Variants in NDUFAB1 observed in about 807,000 individuals in gnomAD.
NDUFAB1 encodes acyl carrier protein, mitochondrial.
A neutral mutation model predicts 16.1 loss-of-function variants in NDUFAB1; 5 were observed. The ratio of observed to expected loss-of-function variants is 0.31; its 90% CI spans 0.16 to 0.65. The LOEUF (loss-of-function observed/expected upper bound fraction) is 0.65. Ranked by LOEUF, NDUFAB1 falls within the 30% of genes least tolerant of loss-of-function variation. NDUFAB1 has a pLI of 0.77. For missense variants in NDUFAB1, 187 were observed against 205.3 expected (o/e 0.91, Z 0.54); for synonymous variants, 85 against 78.4 (o/e 1.08, Z -0.44).
In NDUFAB1 at chr16:23,596,185, G is replaced by A. The variant is rs769448409; in HGVS notation, c.106C>T (p.Leu36Phe). 4 of 1,611,162 alleles carry A rather than the reference G, an allele frequency of 2.5e-6. No individual in the cohort carries two copies. The highest frequency in any genetic ancestry group is 3.4e-6 in the Non-Finnish European group (4 of 1,179,046). Reference protein sequence around the residue: ...LAVARPLSTALCSAGTQTRLG... With the variant: ...LAVARPLSTAFCSAGTQTRLG... ...CTCGTCTGGGTCCCCGCGGAGCAGA[G>A]AGCGGTGCTGAGAGGCCGGGCCACG... The change falls in exon 1 of 5, where the codon CTC (leucine) becomes TTC (phenylalanine). Residue 36 changes from leucine (L) to phenylalanine (F), a missense_variant. This residue lies in a region of NDUFAB1 where 135 missense variants were observed against 129.4 expected (regional missense o/e 1.04). Coordinates refer to ENST00000007516, the MANE Select transcript of NDUFAB1 (RefSeq NM_005003.3).
intron 1 of NDUFAB1, among the ~76,000 whole-genome samples, chr16:23,590,671 G>A (rs1966272820): frequency 7.3e-6 from 1 of 137,070 alleles, no homozygotes; most frequent in Non-Finnish European, 1.5e-5. Context: ...GAGTCTCACT[G>A]TGTTGCCCAG....
Position 23,582,314 on chromosome 16 carries a change from G to A in NDUFAB1, c.441C>T (p.Tyr147=), listed in dbSNP as rs763820586. 3.8e-6 allele frequency: 6 copies of A among 1,574,448 alleles called. No homozygotes were observed. The highest frequency in any genetic ancestry group is 5.2e-6 in the Non-Finnish European group (6 of 1,162,032). ...CATATACATCCTTCTTATCTGCAAT[G>A]TAATCTACAATTTCTTGTGGACACA... ...KLMCPQEIVD[Y]IADKKDVYE is the part of the protein sequence containing the mutation. Residue 147 remains tyrosine, a synonymous_variant, in exon 4 of 5, where the codon TAC becomes TAT. Coordinates refer to ENST00000007516, the MANE Select transcript of NDUFAB1 (RefSeq NM_005003.3).
chr16:23,585,336 C>G lies in NDUFAB1; in HGVS notation c.379G>C (p.Gly127Arg), dbSNP rs1234257553. The change falls in exon 3 of 5, where the codon GGG becomes CGG. Residue 127 changes from glycine (G) to arginine (R), a missense_variant and splice_region_variant. Gly to Arg is a moderately radical substitution (Grantham distance 125). Transcript: ENST00000007516. ...GTGTAGATAGAAGACTGAGCCTTAC[C>G]AAATTCGTCTTCCATGGCCATGATA... is the stretch of plus-strand genomic sequence containing the variant. The part of the protein sequence containing the change: ...EIIMAMEDEF[G>R]FEIPDIDAEK... 1 of 1,608,460 alleles carries G rather than the reference C, an allele frequency of 6.2e-7. No homozygotes were observed. Among genetic ancestry groups the G allele is most frequent in the Non-Finnish European group, 8.5e-7 (1 of 1,175,022 alleles).
At chr16:23,586,556 AT>A (rs1450531268) in intron 2 of NDUFAB1, among the ~76,000 whole-genome samples, 1 of 151,470 alleles carries the variant, frequency 6.6e-6, no homozygotes, top group Non-Finnish European at 1.5e-5. Flanking sequence ...GCTGCTCTTC[AT>A]TTCCTGACCT....
intron 1 of NDUFAB1, among the ~76,000 whole-genome samples, chr16:23,587,875 G>A (rs1966246823): frequency 6.6e-6 from 1 of 152,248 alleles, no homozygotes. Flanking sequence ...GGGGATGAGG[G>A]AGCTTACAGT....
chr16:23,595,472 G>T, intron 1 of NDUFAB1: 1 of 423,858 alleles, frequency 2.4e-6, no homozygotes. Context: ...GGAAGAGCCT[G>T]CCCTCCTTAT....
At chr16:23,595,929 T>A (rs1244176723) in intron 1 of NDUFAB1, among the ~76,000 whole-genome samples, 194 bp downstream of exon 1, 1 of 152,220 alleles carries the variant, frequency 6.6e-6, no homozygotes, top group Admixed American at 6.5e-5. Context: ...GTGCTCTTGC[T>A]CGTTATTACG....
intron 4 of NDUFAB1, chr16:23,581,990 G>A (rs959711022): frequency 5.2e-6 from 1 of 193,846 alleles, no homozygotes; most frequent in Non-Finnish European, 1.0e-5. Context: ...GGAGACAGAG[G>A]TCTGTTTCCA....
At chr16:23,588,966 CTCTG>C in intron 1 of NDUFAB1, among the ~76,000 whole-genome samples, 1 of 151,966 alleles carries the variant, frequency 6.6e-6, no homozygotes, top group Middle Eastern at 3.4e-3. Flanking sequence ...CAGAGCGAGA[CTCTG>C]TCTCAAAAAA....
At chr16:23,584,062 T>A (rs576360383) in intron 3 of NDUFAB1, among the ~76,000 whole-genome samples, 3 of 151,474 alleles carry the variant, frequency 2.0e-5, no homozygotes, top group African/African-American at 7.3e-5. Context: ...GAAGGCAGCA[T>A]GCTTGTTAAG....
Position 23,596,155 on chromosome 16 carries a change from C to T in NDUFAB1, c.136G>A (p.Gly46Arg). ...LCSAGTQTRL[G>R]TLQPALVLAQ... is the part of the protein sequence containing the mutation. ...AGCACTAAGGCCGGCTGCAAAGTCC[C>T]GAGCCTCGTCTGGGTCCCCGCGGAG... Residue 46 changes from glycine to arginine, a missense_variant, in exon 1 of 5, where the codon GGG (glycine) becomes AGG (arginine). Gly to Arg is a moderately radical substitution (Grantham distance 125). Around this residue, in one of 3 missense-constraint regions of NDUFAB1, gnomAD observed 135 missense variants for 129.4 expected, o/e 1.04. Transcript: ENST00000007516. The T allele has an allele frequency of 6.2e-7, 1 of 1,610,406 alleles. No individual in the cohort carries two copies. Among genetic ancestry groups the T allele is most frequent in the Non-Finnish European group, 8.5e-7 (1 of 1,178,682 alleles).
chr16:23,589,122 A>T (rs1485170177), intron 1 of NDUFAB1, among the ~76,000 whole-genome samples: 1 of 150,278 alleles, frequency 6.7e-6, no homozygotes, highest in Non-Finnish European at 1.5e-5. Context: ...ACATGGAGAA[A>T]CCCCGTCTCT....
chr16:23,595,271 AAAC>A lies in NDUFAB1; in HGVS notation c.168+849_168+851del, dbSNP rs377092410. 2.3e-4 allele frequency among the ~76,000 whole-genome samples: 35 copies of A among 152,228 alleles called. No individual in the cohort carries two copies. In the South Asian group the frequency reaches 2.7e-3, roughly 12 times the overall value. On this transcript the variant is annotated intron_variant, in intron 1 of 4. Coordinates refer to ENST00000007516, the MANE Select transcript of NDUFAB1 (RefSeq NM_005003.3). ...GTGACAGAGCGAGACTCTGTCTCAA[AAAC>A]AACAACAACAACACCGAAATCACTG...
chr16:23,592,147 G>A (rs1597056308), intron 1 of NDUFAB1, among the ~76,000 whole-genome samples: 1 of 152,146 alleles, frequency 6.6e-6, no homozygotes, highest in Non-Finnish European at 1.5e-5. Context: ...GAAAAGAGCT[G>A]AGACTGATAA....
chr16:23,589,673 G>A (rs1188549183), intron 1 of NDUFAB1, among the ~76,000 whole-genome samples: 2 of 152,070 alleles, frequency 1.3e-5, no homozygotes, highest in African/African-American at 2.4e-5. Context: ...GGTGGCTCAC[G>A]CCTGTAATCC....
chr16:23,592,212 C>T (rs1190594636), intron 1 of NDUFAB1, among the ~76,000 whole-genome samples: 2 of 152,030 alleles, frequency 1.3e-5, no homozygotes, highest in African/African-American at 4.8e-5. Context: ...GGCGTGGTAG[C>T]GCAGGCCAGT....
intron 3 of NDUFAB1, 99 bp downstream of exon 3, chr16:23,585,237 A>G: frequency 1.2e-6 from 1 of 852,372 alleles, no homozygotes; most frequent in East Asian, 2.6e-5. Context: ...GTTTCTATTA[A>G]TATTTAATTC....
chr16:23,585,669 A>G (rs993654672), intron 2 of NDUFAB1, among the ~76,000 whole-genome samples: 2 of 151,916 alleles, frequency 1.3e-5, no homozygotes, highest in Non-Finnish European at 2.9e-5. Flanking sequence ...CAAACCCCCT[A>G]CCCCTTGACA....
chr16:23,596,224 C>T lies in NDUFAB1; in HGVS notation c.67G>A (p.Val23Ile), dbSNP rs1332293338. The part of the protein sequence containing the change: ...LPAAFAPLPR[V>I]RMLAVARPLS... Reference sequence around the variant, plus strand: ...GGCCGGGCCACGGCCAGCATCCGGACCCGGGGCAGCGGCGCAAAGGCCGCG... The same window carrying T: ...GGCCGGGCCACGGCCAGCATCCGGATCCGGGGCAGCGGCGCAAAGGCCGCG... The change falls in exon 1 of 5, where the codon GTC becomes ATC. Residue 23 changes from valine (V) to isoleucine (I), a missense_variant. Around this residue, in one of 3 missense-constraint regions of NDUFAB1, gnomAD observed 135 missense variants for 129.4 expected, o/e 1.04. Coordinates refer to ENST00000007516, the MANE Select transcript of NDUFAB1 (RefSeq NM_005003.3). The T allele has an allele frequency of 1.9e-6, 3 of 1,607,960 alleles. No individual in the cohort carries two copies. The highest frequency in any genetic ancestry group is 1.7e-5 in the Admixed American group (1 of 59,598).
Sources: allele counts gnomAD v4.1 joint callset (sites outside exome capture counted in the v4.1 genomes callset), GRCh38; gene constraint gnomAD v4.1.1; regional missense constraint gnomAD v4.1.1; transcripts MANE v1.5; gene names NCBI Gene and HGNC (gene_info 2026-07-23, HGNC 2026-07-21).